Variants in CASP14 observed in about 807,000 individuals in gnomAD.
CASP14 encodes caspase-14.
In CASP14, 27 loss-of-function variants were observed where a neutral mutation model predicts 28.4. The observed-to-expected ratio is 0.95, with a 90% CI of 0.70 to 1.31. The LOEUF (loss-of-function observed/expected upper bound fraction) is 1.31. Ranked by LOEUF, CASP14 falls within the 50% of genes most tolerant of loss-of-function variation. The pLI is 0.00. For missense variants in CASP14, 323 were observed against 312.8 expected, an observed-to-expected ratio of 1.03 and a Z score of -0.25; for synonymous variants, 115 against 118.6, an observed-to-expected ratio of 0.97 and a Z score of 0.20.
intron 6 of CASP14, 59 bp from the exon 7 acceptor site, chr19:15,055,926 C>G: frequency 5.8e-6 from 8 of 1,380,690 alleles, no homozygotes; most frequent in Non-Finnish European, 8.1e-6. Context: ...GTTCCCTAAC[C>G]CTCCCCCCAT....
chr19:15,055,505 A>G lies in CASP14; in HGVS notation c.596A>G (p.Lys199Arg). Residue 199 changes from lysine to arginine, a missense_variant, in exon 6 of 7, where the codon AAA becomes AGA. Transcript: ENST00000427043. ...QTLVDVFTKR[K>R]GHILELLTEV... The stretch of plus-strand genomic sequence containing the variant: ...CTGGTGGATGTGTTCACGAAGAGGA[A>G]AGGACATATCTTGGAACTTCTGACA... 6.2e-7 allele frequency: 1 copy of G among 1,614,058 alleles called. No individual in the cohort carries two copies.
In CASP14 at chr19:15,054,899, C is replaced by T. The variant is rs147138450; in HGVS notation, c.404-259C>T. 1.5e-3 allele frequency: 554 copies of T among 368,668 alleles called. 1 individual carries two copies. Among genetic ancestry groups the T allele is most frequent in the Middle Eastern group, 7.2e-3 (9 of 1,258 alleles). The allele number at this position is 368,668 out of a possible 1,614,324, so 22.8% of individuals were successfully genotyped here. A position where few individuals can be genotyped will look rare whatever the true frequency, so the allele number is the denominator to read the frequency against. ...CAGGTGATCTGCCTTCCTCAGCCTC[C>T]CAAAGTGCTGGGATTACAGGTGTGA... On this transcript the variant is annotated intron_variant, in intron 4 of 6. Transcript: ENST00000427043.
intron 4 of CASP14, among the ~76,000 whole-genome samples, chr19:15,054,643 T>TC (rs5827271): frequency 0.34 from 46,524 of 136,348 alleles, 7,431 homozygotes; most frequent in East Asian, 0.39. Context: ...AAGCATCCTT[T>TC]TTTTTTTTTT....
chr19:15,054,001 T>A (rs779406301), intron 4 of CASP14, 43 bp downstream of exon 4: 5 of 1,548,304 alleles, frequency 3.2e-6, no homozygotes, highest in Non-Finnish European at 1.8e-6. Flanking sequence ...GTTTGTTGTT[T>A]CTGTTTTGTT....
At chr19:15,051,502 C>CAAAAAAAAA (rs3040744) in intron 1 of CASP14, among the ~76,000 whole-genome samples, 3 of 84,648 alleles carry the variant, frequency 3.5e-5, no homozygotes, top group African/African-American at 4.6e-5. Context: ...GATTCTGTCT[C>CAAAAAAAAA]AAAAAAAAAA....
chr19:15,055,171 C>G lies in CASP14; in HGVS notation c.417C>G (p.Pro139=), dbSNP rs201448178. The G allele has an allele frequency of 3.1e-6, 5 of 1,613,758 alleles. No individual in the cohort carries two copies. The East Asian group carries it at 1.1e-4, about 36-fold the overall frequency. ...TTGTTGTTTCAGAACAAAGGGACCC[C>G]GGTGAAACAGTAGGTGGAGATGAGA... The part of the protein sequence containing the change: ...IQACRGEQRD[P]GETVGGDEIV... The change falls in exon 5 of 7, where the codon CCC becomes CCG. Residue 139 remains proline (P), a synonymous_variant. Coordinates refer to ENST00000427043, the MANE Select transcript of CASP14 (RefSeq NM_012114.3).
In CASP14 at chr19:15,055,195, G is replaced by C. The variant is rs754169137; in HGVS notation, c.441G>C (p.Glu147Asp). Reference sequence around the variant, plus strand: ...CCGGTGAAACAGTAGGTGGAGATGAGATTGTGATGGTCATCAAAGACAGCC... The same window carrying C: ...CCGGTGAAACAGTAGGTGGAGATGACATTGTGATGGTCATCAAAGACAGCC... Reference protein sequence around the residue: ...RDPGETVGGDEIVMVIKDSPQ... With the variant: ...RDPGETVGGDDIVMVIKDSPQ... Residue 147 changes from glutamate to aspartate, a missense_variant, in exon 5 of 7, where the codon GAG becomes GAC. Coordinates refer to ENST00000427043, the MANE Select transcript of CASP14 (RefSeq NM_012114.3). 4 of 1,614,100 alleles carry C rather than the reference G, an allele frequency of 2.5e-6. 1 individual carries two copies. In the Admixed American group the frequency reaches 6.7e-5, roughly 27 times the overall value.
chr19:15,057,620 T>C lies in CASP14; in HGVS notation c.*1531T>C, dbSNP rs1432595288. The C allele has an allele frequency of 6.7e-6, 1 of 149,896 alleles. No individual in the cohort carries two copies. Among genetic ancestry groups the C allele is most frequent in the Non-Finnish European group, 1.5e-5 (1 of 67,962 alleles). The allele number at this position is 149,896 out of a possible 1,614,324, so 9.3% of individuals were successfully genotyped here. A position where few individuals can be genotyped will look rare whatever the true frequency, so the allele number is the denominator to read the frequency against. ...ATTTAAAGACCAGGGTACTGGACAGTGGCTCACACCTGTATTCCCGACTTT... is the reference window on the plus strand; with the variant it reads ...ATTTAAAGACCAGGGTACTGGACAGCGGCTCACACCTGTATTCCCGACTTT... On this transcript the variant is annotated 3_prime_UTR_variant, in exon 7 of 7. Transcript: ENST00000427043.
intron 1 of CASP14, among the ~76,000 whole-genome samples, chr19:15,050,727 T>C (rs1431335744): frequency 6.6e-6 from 1 of 151,708 alleles, no homozygotes; most frequent in Non-Finnish European, 1.5e-5. Flanking sequence ...GATGGATAGA[T>C]AGATGGATGG....
rs947176342 is a variant in CASP14 at position 15,056,357 on chromosome 19, G to A, written c.*268G>A. The A allele has an allele frequency of 6.0e-5, 19 of 316,550 alleles. No individual in the cohort carries two copies. The South Asian group carries it at 6.7e-4, about 11-fold the overall frequency. 19.6% of individuals were successfully genotyped at this position (316,550 alleles called of 1,614,324 possible). On this transcript the variant is annotated 3_prime_UTR_variant, in exon 7 of 7. Coordinates refer to ENST00000427043, the MANE Select transcript of CASP14 (RefSeq NM_012114.3). Reference sequence around the variant, plus strand: ...TTAATGCAACCGAAGAGACCTAAGAGTGCATTCACTTATCCCACTTTCTGT... The same window carrying A: ...TTAATGCAACCGAAGAGACCTAAGAATGCATTCACTTATCCCACTTTCTGT...
rs183839934 is a variant in CASP14, at chr19:15,051,707, A to G, written c.-46-499A>G. Among the ~76,000 whole-genome samples the G allele has an allele frequency of 2.8e-4, 43 of 152,196 alleles. 1 individual carries two copies. In the East Asian group the frequency reaches 6.6e-3, roughly 23 times the overall value. On this transcript the variant is annotated intron_variant, in intron 1 of 6. Transcript: ENST00000427043. ...AAGGGAGGTGGATTGACCCCTTCGTATTGGAGACCCAGTGAGATAATATCA... is the reference window on the plus strand; with the variant it reads ...AAGGGAGGTGGATTGACCCCTTCGTGTTGGAGACCCAGTGAGATAATATCA...
At position 15,053,969 on chromosome 19, in the gene CASP14, AT is replaced by A. The variant is rs1243919157; in HGVS notation, c.403+12del. ...AGGCCTGTCGAGGAGGTGGGGACAG[AT>A]CCAAGAGCACAGAGTCTGTGGTTTG... is the stretch of plus-strand genomic sequence containing the variant. On this transcript the variant is annotated intron_variant, in intron 4 of 6. Transcript: ENST00000427043. 1 of 1,604,364 alleles carries A rather than the reference AT, an allele frequency of 6.2e-7. No individual in the cohort carries two copies. The highest frequency in any genetic ancestry group is 1.3e-5 in the African/African-American group (1 of 74,776).
chr19:15,050,295 TGTGTGTGTGTGTGA>T (rs1393999054), intron 1 of CASP14, among the ~76,000 whole-genome samples: 1 of 85,454 alleles, frequency 1.2e-5, no homozygotes, highest in East Asian at 2.8e-4. Flanking sequence ...CAGCACTTGC[TGTGTGTGTGTGTGA>T]GTGTGTGTGT....
intron 1 of CASP14, among the ~76,000 whole-genome samples, chr19:15,051,849 A>C (rs2046092424): frequency 6.6e-6 from 1 of 152,092 alleles, no homozygotes. Flanking sequence ...CACATGGGTC[A>C]CTTGCCCTGC....
At chr19:15,050,589 G>T (rs1480895673) in intron 1 of CASP14, among the ~76,000 whole-genome samples, 1 of 151,770 alleles carries the variant, frequency 6.6e-6, no homozygotes, top group Non-Finnish European at 1.5e-5. Flanking sequence ...TGAAGGAATG[G>T]ATAGAAGGAG....
rs1300365058 is a variant in CASP14 at position 15,052,218 on chromosome 19, G to T, written c.-34G>T. 1 of 1,581,530 alleles carries T rather than the reference G, an allele frequency of 6.3e-7. No homozygotes were observed. On this transcript the variant is annotated 5_prime_UTR_variant, in exon 2 of 7. Transcript: ENST00000427043. ...TCTTGACTCCAAGGATCAGACAAGGGTGCTGAGAGCCGGGACTCACAACCA... is the reference window on the plus strand; with the variant it reads ...TCTTGACTCCAAGGATCAGACAAGGTTGCTGAGAGCCGGGACTCACAACCA...
intron 1 of CASP14, among the ~76,000 whole-genome samples, chr19:15,050,105 C>A (rs2046082789): frequency 6.6e-6 from 1 of 152,234 alleles, no homozygotes; most frequent in African/African-American, 2.4e-5. Context: ...GTCACCATTG[C>A]TGTTAAGCAC....
chr19:15,049,934 A>G (rs1046647190), intron 1 of CASP14, among the ~76,000 whole-genome samples: 20 of 152,122 alleles, frequency 1.3e-4, no homozygotes, highest in African/African-American at 4.8e-4. Flanking sequence ...GAGATAATGA[A>G]GTCAGGCTTT....
At chr19:15,052,147 C>A in intron 1 of CASP14, 59 bp from the exon 2 acceptor site, 2 of 1,293,974 alleles carry the variant, frequency 1.5e-6, no homozygotes, top group Non-Finnish European at 2.1e-6. Context: ...GCCAGTTTGT[C>A]CCCTGAGCCC....
Sources: gnomAD v4.1 joint callset for allele counts (sites outside exome capture counted in the v4.1 genomes callset) on GRCh38, gnomAD v4.1.1 for gene constraint, MANE v1.5 for transcripts, NCBI Gene and HGNC (gene_info 2026-07-23, HGNC 2026-07-21) for gene names.